Variants in MELK observed in about 807,000 individuals in gnomAD.
MELK encodes maternal embryonic leucine zipper kinase, also known as pEg3 kinase.
A neutral mutation model predicts 85.0 loss-of-function variants in MELK; 81 were observed. The ratio of observed to expected loss-of-function variants is 0.95; its 90% CI spans 0.80 to 1.15. The LOEUF (loss-of-function observed/expected upper bound fraction) is 1.15, where lower values mean the gene tolerates loss of function less well. Among genes scored for constraint, MELK ranks in the 50% most tolerant of loss-of-function variants. The probability of loss-of-function intolerance (pLI) is 0.00; values close to 1 mark genes in which losing one functional copy is unlikely to be tolerated. For missense variants in MELK, 754 were observed against 777.5 expected (o/e 0.97, Z 0.36); for synonymous variants, 252 against 265.0 (o/e 0.95, Z 0.48).
intron 14 of MELK, 110 bp downstream of exon 14, chr9:36,665,691 A>T: frequency 4.1e-6 from 3 of 738,888 alleles, no homozygotes; most frequent in Non-Finnish European, 6.3e-6. Context: ...TTTCTAGGAG[A>T]AGTGAAGCTG....
At chr9:36,586,238 G>A (rs1359639854) in intron 3 of MELK, among the ~76,000 whole-genome samples, 6 of 151,952 alleles carry the variant, frequency 3.9e-5, no homozygotes, top group East Asian at 1.9e-4. Context: ...AGCTACTTGC[G>A]GGGCTGAGGT....
chr9:36,627,687 C>T (rs1451055601), intron 8 of MELK, among the ~76,000 whole-genome samples: 4 of 151,588 alleles, frequency 2.6e-5, no homozygotes, highest in Admixed American at 1.3e-4. Context: ...GCCACCACAC[C>T]TGGCTAATTT....
In MELK at chr9:36,662,690, T is replaced by C. The variant is rs545669425; in HGVS notation, c.1177-2660T>C. 1.9e-4 allele frequency among the ~76,000 whole-genome samples: 29 copies of C among 152,250 alleles called. 1 individual carries two copies. The highest frequency in any genetic ancestry group is 3.4e-4 in the Non-Finnish European group (23 of 68,048). ...TTAACTTTTTATTTTGAAATATTTATGGATTCACAGGATGTTATTGAAGAT... is the reference window on the plus strand; with the variant it reads ...TTAACTTTTTATTTTGAAATATTTACGGATTCACAGGATGTTATTGAAGAT... On this transcript the variant is annotated intron_variant, in intron 13 of 17. Coordinates refer to ENST00000298048, the MANE Select transcript of MELK (RefSeq NM_014791.4).
At chr9:36,581,023 C>T (rs551828128) in intron 1 of MELK, among the ~76,000 whole-genome samples, 6 of 152,204 alleles carry the variant, frequency 3.9e-5, no homozygotes, top group African/African-American at 9.6e-5. Flanking sequence ...CCACCATGCC[C>T]GGCTGAGAAA....
intron 8 of MELK, among the ~76,000 whole-genome samples, chr9:36,617,687 T>C (rs952881588): frequency 6.6e-6 from 1 of 152,226 alleles, no homozygotes; most frequent in Non-Finnish European, 1.5e-5. Flanking sequence ...CTGTGTTTTC[T>C]TCTAGTGTTT....
chr9:36,640,991 T>G, intron 10 of MELK, among the ~76,000 whole-genome samples: 1 of 152,244 alleles, frequency 6.6e-6, no homozygotes, highest in Non-Finnish European at 1.5e-5. Context: ...TGCCCTGCCT[T>G]GTGCTGGGCA....
chr9:36,657,209 A>G (rs774498241), intron 12 of MELK, 32 bp from the exon 13 acceptor site: 3 of 1,593,734 alleles, frequency 1.9e-6, no homozygotes, highest in Non-Finnish European at 2.6e-6. Context: ...TAGTACTGTC[A>G]TCTTTAAGTT....
rs772126904 is a variant in MELK, at chr9:36,676,530, TG to T, written c.1779-629del. On this transcript the variant is annotated intron_variant, in intron 17 of 17. Transcript: ENST00000298048. ...GCCTTTCCATTCTCAGAGTAGATAA[TG>T]CGGCAGTTCTATCTATAAATGCCGT... Among the ~76,000 whole-genome samples the T allele has an allele frequency of 6.6e-5, 10 of 152,314 alleles. No individual in the cohort carries two copies. The East Asian group carries it at 9.6e-4, about 15-fold the overall frequency.
At chr9:36,604,205 G>A (rs1312270281) in intron 7 of MELK, among the ~76,000 whole-genome samples, 3 of 149,654 alleles carry the variant, frequency 2.0e-5, no homozygotes, top group Non-Finnish European at 4.4e-5. Context: ...CCAACCTCAG[G>A]TGATCTGCCC....
chr9:36,625,569 G>T (rs1374434722), intron 8 of MELK, among the ~76,000 whole-genome samples: 1 of 152,168 alleles, frequency 6.6e-6, no homozygotes, highest in Non-Finnish European at 1.5e-5. Flanking sequence ...GGTCCAGTTG[G>T]CTGTAGATGA....
chr9:36,644,210 TG>T (rs1830024738), intron 11 of MELK, among the ~76,000 whole-genome samples: 9 of 158 alleles, frequency 0.057, no homozygotes, highest in Admixed American at 0.25. Context: ...ACCTGTGTTT[TG>T]TGTGTGTGTG....
At chr9:36,631,509 AC>A (rs1168717438) in intron 9 of MELK, among the ~76,000 whole-genome samples, 1 of 150,012 alleles carries the variant, frequency 6.7e-6, no homozygotes, top group Admixed American at 6.6e-5. Context: ...CAGGTGATCC[AC>A]CCGCCTTGGC....
Position 36,630,466 on chromosome 9 carries a change from A to T in MELK, c.735+99A>T, listed in dbSNP as rs1176607800. On this transcript the variant is annotated intron_variant, in intron 9 of 17. Transcript: ENST00000298048. Reference sequence around the variant, plus strand: ...CATCATTTCCTATTAGCTTGAAAAAAATCCCACTCATATCTACCTTGAAAA... The same window carrying T: ...CATCATTTCCTATTAGCTTGAAAAATATCCCACTCATATCTACCTTGAAAA... 8.6e-6 allele frequency: 8 copies of T among 928,416 alleles called. No individual in the cohort carries two copies. The East Asian group carries it at 1.5e-4, about 17-fold the overall frequency. The allele number at this position is 928,416 out of a possible 1,614,324, so 57.5% of individuals were successfully genotyped here.
intron 8 of MELK, among the ~76,000 whole-genome samples, chr9:36,624,804 T>G (rs756007593): frequency 6.6e-6 from 1 of 152,182 alleles, no homozygotes; most frequent in Non-Finnish European, 1.5e-5. Flanking sequence ...CCTATTATGA[T>G]AGTTTCAGAA....
chr9:36,665,128 C>A (rs913203745), intron 13 of MELK, among the ~76,000 whole-genome samples: 2 of 152,030 alleles, frequency 1.3e-5, no homozygotes, highest in Admixed American at 1.3e-4. Flanking sequence ...ATACACTCAG[C>A]CTGTATCATG....
intron 11 of MELK, among the ~76,000 whole-genome samples, chr9:36,645,115 G>A (rs1334651770): frequency 1.3e-5 from 2 of 151,772 alleles, no homozygotes; most frequent in Non-Finnish European, 2.9e-5. Context: ...AAAATTAGCC[G>A]GGCGTGGTGG....
chr9:36,637,079 G>C, intron 10 of MELK, among the ~76,000 whole-genome samples: 1 of 151,298 alleles, frequency 6.6e-6, no homozygotes, highest in East Asian at 1.9e-4. Flanking sequence ...TTATCCGCCT[G>C]CCTCGGCCTC....
At chr9:36,615,273 G>T (rs1309851451) in intron 8 of MELK, among the ~76,000 whole-genome samples, 1 of 120,992 alleles carries the variant, frequency 8.3e-6, no homozygotes, top group East Asian at 2.5e-4. Context: ...CCTCCCAGAC[G>T]GCACGGCTGG....
chr9:36,641,693 C>T (rs377332458), intron 10 of MELK, among the ~76,000 whole-genome samples: 55 of 151,440 alleles, frequency 3.6e-4, no homozygotes, highest in African/African-American at 1.2e-3. Context: ...CCACAACCTC[C>T]GCCTCCTGTG....
Sources: allele counts gnomAD v4.1 joint callset (sites outside exome capture counted in the v4.1 genomes callset), GRCh38; gene constraint gnomAD v4.1.1; transcripts MANE v1.5; gene names NCBI Gene and HGNC (gene_info 2026-07-23, HGNC 2026-07-21).